CLSTN2: variants seen among roughly 807,000 people sequenced by gnomAD.
CLSTN2 encodes the protein calsyntenin-2.
In CLSTN2, 48 loss-of-function variants were observed where a neutral mutation model predicts 101.2. That is an observed-to-expected ratio of 0.47 (90% CI 0.38 to 0.60). The LOEUF is 0.60. Among genes scored for constraint, CLSTN2 ranks in the 20% least tolerant of loss-of-function variants. The pLI, the probability that CLSTN2 is intolerant of heterozygous loss-of-function variation, is 0.00. For missense variants in CLSTN2, 1,160 were observed against 1,238.2 expected (o/e 0.94, Z 0.95); for synonymous variants, 481 against 463.6 (o/e 1.04, Z -0.48).
intron 1 of CLSTN2, among the ~76,000 whole-genome samples, chr3:139,951,245 A>G (rs145915349): frequency 9.8e-4 from 149 of 152,270 alleles, no homozygotes; most frequent in African/African-American, 3.1e-3. Flanking sequence ...GAAGTATCTC[A>G]TATGTGCTTA....
intron 2 of CLSTN2, among the ~76,000 whole-genome samples, chr3:140,234,745 G>A (rs751921091): frequency 6.6e-6 from 1 of 152,136 alleles, no homozygotes; most frequent in Non-Finnish European, 1.5e-5. Context: ...TGTTTCACTT[G>A]CTCTGATGTC....
chr3:140,289,201 C>A lies in CLSTN2; in HGVS notation c.232+113128C>A, dbSNP rs145814392. ...TTCTATGAGATAAGCTGTGTTATTA[C>A]ACCTATTATATAGAGGAAACTGAGG... is the stretch of plus-strand genomic sequence containing the variant. On this transcript the variant is annotated intron_variant, in intron 2 of 16. Coordinates refer to ENST00000458420, the MANE Select transcript of CLSTN2 (RefSeq NM_022131.3). 4.0e-4 allele frequency among the ~76,000 whole-genome samples: 61 copies of A among 152,282 alleles called. 1 individual carries two copies. In the East Asian group the frequency reaches 0.011, roughly 27 times the overall value.
intron 2 of CLSTN2, among the ~76,000 whole-genome samples, chr3:140,273,903 G>T (rs778491003): frequency 6.6e-6 from 1 of 152,272 alleles, no homozygotes; most frequent in South Asian, 2.1e-4. Context: ...TTTCAAAGGG[G>T]ACAGGACTGG....
chr3:140,293,220 G>T (rs1174970639), intron 2 of CLSTN2, among the ~76,000 whole-genome samples: 5 of 152,212 alleles, frequency 3.3e-5, no homozygotes, highest in Non-Finnish European at 5.9e-5. Context: ...TTGATAAGCA[G>T]GTGAACTCTT....
chr3:140,056,909 C>T (rs2008108000), intron 1 of CLSTN2, among the ~76,000 whole-genome samples: 1 of 152,184 alleles, frequency 6.6e-6, no homozygotes, highest in Non-Finnish European at 1.5e-5. Context: ...CCCAAGATTA[C>T]ATGGCTTAAA....
chr3:140,114,376 A>C (rs2009205886), intron 1 of CLSTN2, among the ~76,000 whole-genome samples: 1 of 152,086 alleles, frequency 6.6e-6, no homozygotes, highest in Non-Finnish European at 1.5e-5. Context: ...CTGGCCCTGC[A>C]TCTGGCATCA....
intron 2 of CLSTN2, among the ~76,000 whole-genome samples, chr3:140,295,627 G>A (rs775795975): frequency 1.3e-5 from 2 of 152,036 alleles, no homozygotes; most frequent in South Asian, 4.1e-4. Context: ...TATGATGCCA[G>A]TTATTTAAAA....
chr3:140,258,833 A>C (rs1169915806), intron 2 of CLSTN2, among the ~76,000 whole-genome samples: 1 of 152,204 alleles, frequency 6.6e-6, no homozygotes, highest in Non-Finnish European at 1.5e-5. Context: ...CTCTCTGATG[A>C]CAGGGTGTAC....
intron 1 of CLSTN2, among the ~76,000 whole-genome samples, chr3:140,047,343 C>A (rs991142074): frequency 2.0e-5 from 3 of 152,134 alleles, no homozygotes; most frequent in Admixed American, 6.5e-5. Context: ...TGATATACAA[C>A]ATATATATGG....
At chr3:140,150,515 C>T (rs2009846957) in intron 1 of CLSTN2, among the ~76,000 whole-genome samples, 1 of 152,150 alleles carries the variant, frequency 6.6e-6, no homozygotes, top group South Asian at 2.1e-4. Flanking sequence ...ATTGTCAACC[C>T]TCTCAGGCAT....
chr3:139,966,858 C>T (rs1219219465), intron 1 of CLSTN2, among the ~76,000 whole-genome samples: 1 of 152,060 alleles, frequency 6.6e-6, no homozygotes, highest in Non-Finnish European at 1.5e-5. Context: ...GACTGAGGTC[C>T]TATGCTGATG....
chr3:140,376,091 T>A (rs1458464251), intron 2 of CLSTN2, among the ~76,000 whole-genome samples: 1 of 152,228 alleles, frequency 6.6e-6, no homozygotes. Flanking sequence ...TTCTGCTCCA[T>A]GTGCTCTCTC....
At chr3:140,212,952 C>T (rs1292357759) in intron 2 of CLSTN2, among the ~76,000 whole-genome samples, 1 of 152,160 alleles carries the variant, frequency 6.6e-6, no homozygotes, top group East Asian at 1.9e-4. Context: ...GTCTGTCTTC[C>T]CACCACACCC....
In CLSTN2 at chr3:140,572,842, T is replaced by C. The variant is rs1339609893; in HGVS notation, c.*6589T>C. 6.6e-6 allele frequency: 1 copy of C among 152,424 alleles called. No individual in the cohort carries two copies. Among genetic ancestry groups the C allele is most frequent in the Non-Finnish European group, 1.5e-5 (1 of 68,212 alleles). 9.4% of individuals were successfully genotyped at this position (152,424 alleles called of 1,614,324 possible). A position where few individuals can be genotyped will look rare whatever the true frequency, so the allele number is the denominator to read the frequency against. ...CTAACAAGGTAAAATCAATGACTAG[T>C]GCAGTGAGGGTGCCAAAGCAAACCA... On this transcript the variant is annotated 3_prime_UTR_variant, in exon 17 of 17. Transcript: ENST00000458420.
chr3:140,534,667 A>G (rs1935326572), intron 9 of CLSTN2, among the ~76,000 whole-genome samples: 1 of 152,198 alleles, frequency 6.6e-6, no homozygotes, highest in Non-Finnish European at 1.5e-5. Flanking sequence ...TCGTGCACAA[A>G]CTCTTAAAAC....
At chr3:140,363,506 TA>T (rs951306960) in intron 2 of CLSTN2, among the ~76,000 whole-genome samples, 3 of 152,212 alleles carry the variant, frequency 2.0e-5, no homozygotes, top group Non-Finnish European at 4.4e-5. Context: ...GAAATTGCTT[TA>T]AAAAATAGAT....
intron 1 of CLSTN2, among the ~76,000 whole-genome samples, chr3:140,000,183 T>TAAATTCAATCA (rs1345844139): frequency 6.6e-5 from 10 of 152,258 alleles, no homozygotes; most frequent in African/African-American, 1.7e-4. Flanking sequence ...GGCTACAGTT[T>TAAATTCAATCA]GAATTCAATC....
intron 2 of CLSTN2, among the ~76,000 whole-genome samples, chr3:140,344,331 G>A (rs1055463212): frequency 5.3e-5 from 8 of 152,180 alleles, no homozygotes; most frequent in African/African-American, 1.9e-4. Flanking sequence ...AGGGCTGACT[G>A]CACAAGCACA....
At chr3:140,267,349 A>G (rs2086703854) in intron 2 of CLSTN2, among the ~76,000 whole-genome samples, 1 of 152,164 alleles carries the variant, frequency 6.6e-6, no homozygotes, top group Non-Finnish European at 1.5e-5. Flanking sequence ...ACTACTCTGT[A>G]AGGTGTCTCT....
Sources: gnomAD v4.1 joint callset for allele counts (sites outside exome capture counted in the v4.1 genomes callset) on GRCh38, gnomAD v4.1.1 for gene constraint, MANE v1.5 for transcripts, NCBI Gene and HGNC (gene_info 2026-07-23, HGNC 2026-07-21) for gene names.